The following ATP6V0A4 variants were observed in gnomAD, a reference collection of about 807,000 sequenced individuals.
The protein encoded by ATP6V0A4 is ATPase H+ transporting V0 subunit a4.
Under a neutral mutation model 107.3 loss-of-function variants are expected in ATP6V0A4, and 86 were observed. The observed-to-expected ratio is 0.80, with a 90% CI of 0.67 to 0.96. ATP6V0A4 has a LOEUF of 0.96. Among genes scored for constraint, ATP6V0A4 ranks in the 40% least tolerant of loss-of-function variants. The pLI is 0.00. For missense variants in ATP6V0A4, 908 were observed against 1,045.6 expected (o/e 0.87, Z 1.81); for synonymous variants, 353 against 381.4 (o/e 0.93, Z 0.87).
At chr7:138,767,225 C>CA (rs1213092033) in intron 5 of ATP6V0A4, among the ~76,000 whole-genome samples, 1 of 151,978 alleles carries the variant, frequency 6.6e-6, no homozygotes, top group Non-Finnish European at 1.5e-5. Flanking sequence ...GTAATACAGT[C>CA]AAAAATCAAT....
chr7:138,767,644 C>CA (rs201479201), intron 5 of ATP6V0A4, among the ~76,000 whole-genome samples: 1,836 of 97,226 alleles, frequency 0.019, 30 homozygotes, highest in African/African-American at 0.05. Flanking sequence ...AAGTTATCTT[C>CA]AAAAAAAAAA....
chr7:138,755,724 C>G lies in ATP6V0A4; in HGVS notation c.781G>C (p.Glu261Gln). 6.2e-7 allele frequency: 1 copy of G among 1,613,934 alleles called. No individual in the cohort carries two copies. The highest frequency in any genetic ancestry group is 8.5e-7 in the Non-Finnish European group (1 of 1,180,034). Reference protein sequence around the residue: ...EPAVERREMLESVNVRLEDLI... With the variant: ...EPAVERREMLQSVNVRLEDLI... ...TCTTCCAGCCTCACATTGACGCTCT[C>G]CAACATCTCTCTGCGCTCCACCGCA... Residue 261 changes from glutamate to glutamine, a missense_variant, in exon 10 of 22, where the codon GAG becomes CAG. Glu to Gln is a conservative substitution (Grantham distance 29). Coordinates refer to ENST00000310018, the MANE Select transcript of ATP6V0A4 (RefSeq NM_020632.3).
In ATP6V0A4 at chr7:138,709,592, A is replaced by G. The variant is rs766676009; in HGVS notation, c.2429+32T>C. 1.9e-6 allele frequency: 3 copies of G among 1,604,676 alleles called. No individual in the cohort carries two copies. The African/African-American group carries it at 4.0e-5, about 22-fold the overall frequency. ...ACAGCCCACTCCCTTTCCCAACACCACATTGAGCTTCCAGGGGACAACCAT... is the reference window on the plus strand; with the variant it reads ...ACAGCCCACTCCCTTTCCCAACACCGCATTGAGCTTCCAGGGGACAACCAT... On this transcript the variant is annotated intron_variant, in intron 21 of 21. Transcript: ENST00000310018.
At chr7:138,795,787 C>T (rs1234102180) in intron 1 of ATP6V0A4, among the ~76,000 whole-genome samples, 1 of 151,426 alleles carries the variant, frequency 6.6e-6, no homozygotes, top group Non-Finnish European at 1.5e-5. Flanking sequence ...ACTACAGGTG[C>T]ACACTACCAT....
In ATP6V0A4 at chr7:138,762,423, A is replaced by C. The variant is rs1806870605; in HGVS notation, c.429T>G (p.Asn143Lys). 1 of 1,614,080 alleles carries C rather than the reference A, an allele frequency of 6.2e-7. No homozygotes were observed. Among genetic ancestry groups the C allele is most frequent in the Non-Finnish European group, 8.5e-7 (1 of 1,179,976 alleles). The change falls in exon 7 of 22, where the codon AAT (asparagine) becomes AAG (lysine). Residue 143 changes from asparagine (N) to lysine (K), a missense_variant. By Grantham distance (94) the Asn-to-Lys change is moderately conservative. Coordinates refer to ENST00000310018, the MANE Select transcript of ATP6V0A4 (RefSeq NM_020632.3). ...CCTCAGTAAAGAAATCATCAGCTAA[A>C]TTGGTTTCCGTCTGAAAGTCAAAGC... ...KTQDFFETET[N>K]LADDFFTEDT...
At chr7:138,733,223 G>C (rs536404302) in intron 16 of ATP6V0A4, 130 bp from the exon 17 acceptor site, 1 of 1,459,772 alleles carries the variant, frequency 6.9e-7, no homozygotes, top group Non-Finnish European at 9.1e-7. Flanking sequence ...GCAAACAACG[G>C]CACCCCCCAC....
intron 2 of ATP6V0A4, chr7:138,779,909 T>C (rs963672493): frequency 2.0e-5 from 3 of 152,244 alleles, no homozygotes; most frequent in African/African-American, 7.2e-5. Context: ...TTGACAATGA[T>C]AGTCCTTGTT....
At chr7:138,747,010 G>A (rs1297218289) in intron 13 of ATP6V0A4, among the ~76,000 whole-genome samples, 1 of 152,154 alleles carries the variant, frequency 6.6e-6, no homozygotes, top group Non-Finnish European at 1.5e-5. Context: ...ATTACTTGAT[G>A]CCAATTTTTG....
At position 138,773,466 on chromosome 7, in the gene ATP6V0A4, A is replaced by T. The variant is rs2117343519; in HGVS notation, c.-17-2202T>A. Reference sequence around the variant, plus strand: ...TAAGCCCCCTCCTACATGCCCCCAGAAGAGCAATCATTTGCAATCGCTTGT... The same window carrying T: ...TAAGCCCCCTCCTACATGCCCCCAGTAGAGCAATCATTTGCAATCGCTTGT... On this transcript the variant is annotated intron_variant, in intron 2 of 21. Transcript: ENST00000310018. The surrounding 1 kb of genome is among the most constrained non-coding windows in gnomAD (Gnocchi z 5.4). 6.6e-6 allele frequency among the ~76,000 whole-genome samples: 1 copy of T among 152,214 alleles called. No individual in the cohort carries two copies. Among genetic ancestry groups the T allele is most frequent in the South Asian group, 2.1e-4 (1 of 4,820 alleles).
chr7:138,744,787 C>T (rs1207516202), intron 14 of ATP6V0A4, among the ~76,000 whole-genome samples: 1 of 152,118 alleles, frequency 6.6e-6, no homozygotes, highest in Non-Finnish European at 1.5e-5. Context: ...ACTGCAACCT[C>T]CGCCTCCCAG....
In ATP6V0A4 at chr7:138,716,051, C is replaced by T. The variant is rs999229; in HGVS notation, c.2140-170G>A. ...AGAGAAAGAATTATCAGCACAAAGT[C>T]GTATGTTATGTGTGTCTTAACGTTC... On this transcript the variant is annotated intron_variant, in intron 19 of 21. Transcript: ENST00000310018. The T allele has an allele frequency of 0.35, 179,002 of 507,522 alleles. 32,334 individuals are homozygous for T. Among genetic ancestry groups the T allele is most frequent in the East Asian group, 0.38 (2,479 of 6,598 alleles). The allele number at this position is 507,522 out of a possible 1,614,324, so 31.4% of individuals were successfully genotyped here. A position where few individuals can be genotyped will look rare whatever the true frequency, so the allele number is the denominator to read the frequency against.
intron 17 of ATP6V0A4, among the ~76,000 whole-genome samples, chr7:138,732,660 G>A (rs538208659): frequency 6.6e-6 from 1 of 151,858 alleles, no homozygotes; most frequent in East Asian, 1.9e-4. Context: ...CAGGCGTGGT[G>A]GCGTGCACCT....
At chr7:138,761,055 C>G (rs1806784334) in intron 7 of ATP6V0A4, among the ~76,000 whole-genome samples, 1 of 152,076 alleles carries the variant, frequency 6.6e-6, no homozygotes, top group African/African-American at 2.4e-5. Flanking sequence ...TCAAGTGATC[C>G]TCCTGCCTCA....
intron 2 of ATP6V0A4, among the ~76,000 whole-genome samples, chr7:138,784,839 C>T (rs1479841693): frequency 6.6e-6 from 1 of 152,178 alleles, no homozygotes; most frequent in Non-Finnish European, 1.5e-5. Flanking sequence ...AAGCTTTACA[C>T]TTAGCCTCAA....
chr7:138,751,950 G>C (rs1194721195), intron 11 of ATP6V0A4, among the ~76,000 whole-genome samples: 1 of 152,098 alleles, frequency 6.6e-6, no homozygotes, highest in African/African-American at 2.4e-5. Context: ...CTGTAGGGCA[G>C]TATGCCCATG....
At chr7:138,771,543 A>T (rs1807391845) in intron 2 of ATP6V0A4, among the ~76,000 whole-genome samples, 2 of 152,164 alleles carry the variant, frequency 1.3e-5, no homozygotes, top group Non-Finnish European at 2.9e-5. Context: ...CGGGGACTAC[A>T]GGTGTGCACC....
intron 5 of ATP6V0A4, among the ~76,000 whole-genome samples, chr7:138,765,514 C>A (rs1310617502): frequency 6.6e-6 from 1 of 152,158 alleles, no homozygotes; most frequent in Non-Finnish European, 1.5e-5. Flanking sequence ...TCCCTCCCCC[C>A]TGAATTAGTA....
intron 13 of ATP6V0A4, among the ~76,000 whole-genome samples, chr7:138,745,904 A>G (rs1392907701): frequency 3.0e-5 from 4 of 135,508 alleles, no homozygotes; most frequent in Non-Finnish European, 6.2e-5. Flanking sequence ...AGATTGCCCC[A>G]CTGCCCTCCG....
chr7:138,739,678 G>A (rs754297248), intron 14 of ATP6V0A4, 45 bp from the exon 15 acceptor site: 1 of 1,609,302 alleles, frequency 6.2e-7, no homozygotes, highest in Admixed American at 1.7e-5. Flanking sequence ...ATCAACCGGG[G>A]CAGAAAAGAT....
Sources: gnomAD v4.1 joint callset for allele counts (sites outside exome capture counted in the v4.1 genomes callset) on GRCh38, gnomAD v4.1.1 for gene constraint, Gnocchi (gnomAD v3.1) non-coding constraint, MANE v1.5 for transcripts, NCBI Gene and HGNC (gene_info 2026-07-23, HGNC 2026-07-21) for gene names.